The following CFAP299 variants were observed in gnomAD, a reference collection of about 807,000 sequenced individuals.
CFAP299 encodes the protein cilia- and flagella-associated protein 299.
In CFAP299, 21 loss-of-function variants were observed where a neutral mutation model predicts 27.0. The observed-to-expected ratio is 0.78, with a 90% CI of 0.55 to 1.12. The LOEUF is 1.12. Among genes scored for constraint, CFAP299 ranks in the 50% most tolerant of loss-of-function variants. The pLI, the probability that CFAP299 is intolerant of heterozygous loss-of-function variation, is 0.00. For synonymous variants in CFAP299, 104 were observed against 98.1 expected, an observed-to-expected ratio of 1.06 and a Z score of -0.36; for missense variants, 310 against 276.6, an observed-to-expected ratio of 1.12 and a Z score of -0.86.
intron 2 of CFAP299, among the ~76,000 whole-genome samples, chr4:80,518,230 GC>G (rs1732683494): frequency 6.6e-6 from 1 of 152,038 alleles, no homozygotes. Context: ...GAGAGCAAAA[GC>G]CTTCAATTAA....
intron 3 of CFAP299, among the ~76,000 whole-genome samples, chr4:80,607,314 A>G (rs1354426983): frequency 2.6e-5 from 4 of 152,174 alleles, no homozygotes; most frequent in African/African-American, 7.2e-5. Context: ...GACAAGAAAC[A>G]ATAAGTACTA....
intron 1 of CFAP299, among the ~76,000 whole-genome samples, chr4:80,360,306 A>AG (rs1723478900): frequency 2.0e-5 from 3 of 152,156 alleles, no homozygotes; most frequent in Admixed American, 1.3e-4. Flanking sequence ...ATGCAGCTGG[A>AG]GGGGGAGTGA....
chr4:80,668,106 A>G (rs567330354), intron 3 of CFAP299, among the ~76,000 whole-genome samples: 1 of 150,598 alleles, frequency 6.6e-6, no homozygotes, highest in Admixed American at 6.6e-5. Context: ...GGCCCTCTGT[A>G]TTTCGTCTTT....
intron 3 of CFAP299, among the ~76,000 whole-genome samples, chr4:80,642,312 T>C (rs1179511587): frequency 6.6e-6 from 1 of 152,234 alleles, no homozygotes; most frequent in Non-Finnish European, 1.5e-5. Context: ...CTGGTTGTTA[T>C]GGAAATGAAT....
chr4:80,937,308 C>CTT (rs1736948672), intron 4 of CFAP299, among the ~76,000 whole-genome samples: 1 of 90,816 alleles, frequency 1.1e-5, no homozygotes, highest in African/African-American at 5.1e-5. Context: ...CTTTTTTTTT[C>CTT]TTTCTTTTTT....
chr4:80,365,888 C>A (rs140558104), intron 2 of CFAP299, among the ~76,000 whole-genome samples: 10 of 152,308 alleles, frequency 6.6e-5, no homozygotes, highest in South Asian at 2.1e-4. Flanking sequence ...TTCCTCTATG[C>A]AATAGTCTCT....
chr4:80,514,762 C>CT (rs1732501560), intron 2 of CFAP299, among the ~76,000 whole-genome samples: 1 of 151,950 alleles, frequency 6.6e-6, no homozygotes, highest in Admixed American at 6.6e-5. Flanking sequence ...AATTTAATGT[C>CT]TTTTTTATAA....
intron 4 of CFAP299, among the ~76,000 whole-genome samples, chr4:80,873,634 A>T (rs1352107579): frequency 6.6e-6 from 1 of 152,222 alleles, no homozygotes; most frequent in African/African-American, 2.4e-5. Flanking sequence ...AACACTGATG[A>T]GACAGGACAA....
intron 3 of CFAP299, among the ~76,000 whole-genome samples, chr4:80,812,443 T>A (rs1234515396): frequency 6.6e-6 from 1 of 152,066 alleles, no homozygotes; most frequent in Admixed American, 6.6e-5. Flanking sequence ...TCAGATGAGA[T>A]GACACTTAAG....
At chr4:80,828,668 T>C (rs1165807082) in intron 3 of CFAP299, among the ~76,000 whole-genome samples, 1 of 151,968 alleles carries the variant, frequency 6.6e-6, no homozygotes, top group African/African-American at 2.4e-5. Context: ...TCAACCATGA[T>C]TGTAAGCTTC....
intron 3 of CFAP299, among the ~76,000 whole-genome samples, chr4:80,867,793 C>A (rs1435603385): frequency 6.6e-6 from 1 of 152,176 alleles, no homozygotes; most frequent in African/African-American, 2.4e-5. Context: ...AATACAGTCA[C>A]CTCTGTGGTA....
chr4:80,953,663 C>T (rs1294722790), intron 5 of CFAP299, among the ~76,000 whole-genome samples: 1 of 152,052 alleles, frequency 6.6e-6, no homozygotes, highest in African/African-American at 2.4e-5. Flanking sequence ...GCACATTGTT[C>T]ATAAGTGTCC....
intron 3 of CFAP299, among the ~76,000 whole-genome samples, chr4:80,675,218 C>T (rs1719357936): frequency 1.3e-5 from 2 of 152,164 alleles, no homozygotes. Context: ...GTGTGGATGT[C>T]CTTTTTGTTG....
At chr4:80,684,296 A>G (rs4693091) in intron 3 of CFAP299, among the ~76,000 whole-genome samples, 141,352 of 151,564 alleles carry the variant, frequency 0.93, 65,983 homozygotes, top group East Asian at 1. Flanking sequence ...ACGGAGCCTC[A>G]CTTTGTTGCC....
chr4:80,509,464 G>C (rs1732192477), intron 2 of CFAP299, among the ~76,000 whole-genome samples: 1 of 152,134 alleles, frequency 6.6e-6, no homozygotes, highest in Non-Finnish European at 1.5e-5. Flanking sequence ...CTTCACATGT[G>C]AATGTGGCAT....
At chr4:80,653,123 A>G (rs1249722641) in intron 3 of CFAP299, among the ~76,000 whole-genome samples, 3 of 152,124 alleles carry the variant, frequency 2.0e-5, no homozygotes, top group Non-Finnish European at 4.4e-5. Flanking sequence ...AAACCTCTGT[A>G]TTCAGCTATA....
intron 1 of CFAP299, among the ~76,000 whole-genome samples, chr4:80,356,953 T>C (rs948553408): frequency 2.0e-5 from 3 of 152,186 alleles, no homozygotes; most frequent in Non-Finnish European, 4.4e-5. Flanking sequence ...GCCCATTCAG[T>C]ATGATATTGG....
chr4:80,322,818 G>T, the CFAP299 span, among the ~76,000 whole-genome samples: 17 of 152,300 alleles, frequency 1.1e-4, no homozygotes, highest in Admixed American at 2.0e-4. Context: ...CAGGCCTGAT[G>T]CCCTTCAAAT....
chr4:80,603,262 A>G (rs1232909414), intron 3 of CFAP299, among the ~76,000 whole-genome samples: 2 of 152,218 alleles, frequency 1.3e-5, no homozygotes, highest in Non-Finnish European at 2.9e-5. Flanking sequence ...ACAGAAAAAT[A>G]AGCAGAAGGA....
Sources: allele counts gnomAD v4.1 joint callset (sites outside exome capture counted in the v4.1 genomes callset), GRCh38; gene constraint gnomAD v4.1.1; transcripts MANE v1.5; gene names NCBI Gene and HGNC (gene_info 2026-07-23, HGNC 2026-07-21).